The following DNAH12 variants were observed in gnomAD, a reference collection of about 807,000 sequenced individuals.
The protein encoded by DNAH12 is dynein axonemal heavy chain 12.
A neutral mutation model predicts 371.5 loss-of-function variants in DNAH12; 285 were observed. The observed-to-expected ratio is 0.77, with a 90% CI of 0.70 to 0.85. DNAH12 has a LOEUF of 0.85. DNAH12 is among the 40% of genes least tolerant of loss of function. The probability of loss-of-function intolerance (pLI) is 0.00; values close to 1 mark genes in which losing one functional copy is unlikely to be tolerated. For synonymous variants in DNAH12, 1,200 were observed against 1,213.0 expected, an observed-to-expected ratio of 0.99 and a Z score of 0.22; for missense variants, 3,611 against 3,689.4, an observed-to-expected ratio of 0.98 and a Z score of 0.55.
intron 60 of DNAH12, among the ~76,000 whole-genome samples, chr3:57,341,012 A>G (rs1412263349): frequency 1.3e-5 from 2 of 152,238 alleles, no homozygotes; most frequent in Non-Finnish European, 2.9e-5. Context: ...GAGACATCAC[A>G]ACAGAATGAA....
intron 4 of DNAH12, among the ~76,000 whole-genome samples, chr3:57,518,163 AT>A (rs944713903): frequency 2.3e-4 from 35 of 152,206 alleles, no homozygotes; most frequent in African/African-American, 7.9e-4. Context: ...GTGTTTTTAT[AT>A]TTATTCATTC....
chr3:57,436,954 T>A lies in DNAH12; in HGVS notation c.4652A>T (p.His1551Leu), dbSNP rs762266859. 30 of 1,445,626 alleles carry A rather than the reference T, an allele frequency of 2.1e-5. No individual in the cohort carries two copies. Among genetic ancestry groups the A allele is most frequent in the Non-Finnish European group, 2.7e-5 (29 of 1,085,588 alleles). The allele number at this position is 1,445,626 out of a possible 1,614,324, so 89.5% of individuals were successfully genotyped here. Residue 1551 changes from histidine to leucine, a missense_variant, in exon 30 of 74, where the codon CAT (histidine) becomes CTT (leucine). His to Leu is a moderately conservative substitution (Grantham distance 99, BLOSUM62 -3). This residue lies in a region of DNAH12 where 2,266 missense variants were observed against 2,236.9 expected (regional missense o/e 1.01). Coordinates refer to ENST00000495027, the MANE Select transcript of DNAH12 (RefSeq NM_001366028.2). ...IQTYEMMIVR[H>L]GFMLVGEPFA... ...CTATAGCAATATATAATCTTACCCA[T>A]GTCTAACAATCATCATTTCATATGT...
intron 13 of DNAH12, among the ~76,000 whole-genome samples, chr3:57,477,370 C>G (rs1055447742): frequency 6.6e-6 from 1 of 152,096 alleles, no homozygotes; most frequent in Non-Finnish European, 1.5e-5. Context: ...AGCAGAGAGG[C>G]TGGGGGAGGG....
intron 17 of DNAH12, among the ~76,000 whole-genome samples, chr3:57,463,571 T>C (rs748682477): frequency 2.6e-5 from 4 of 152,100 alleles, no homozygotes; most frequent in Non-Finnish European, 4.4e-5. Flanking sequence ...ATTTTTTTAA[T>C]TGGAGGACCA....
intron 4 of DNAH12, chr3:57,520,077 G>GAGCCGCCCGTCGGA: frequency 1.7e-6 from 1 of 581,304 alleles, no homozygotes. Flanking sequence ...CGGCTCTGTG[G>GAGCCGCCCGTCGGA]CTACAGCGTT....
chr3:57,367,193 T>A (rs2063069031), intron 56 of DNAH12, among the ~76,000 whole-genome samples: 1 of 152,044 alleles, frequency 6.6e-6, no homozygotes, highest in Non-Finnish European at 1.5e-5. Context: ...TAGCTGGGTG[T>A]CATGGTGGAA....
chr3:57,544,366 A>G (rs1307745353), upstream of DNAH12: 2 of 152,234 alleles, frequency 1.3e-5, no homozygotes, highest in African/African-American at 4.8e-5. Context: ...GGTTGGAAAC[A>G]ACGTCGTCGC....
intron 43 of DNAH12, among the ~76,000 whole-genome samples, chr3:57,396,323 CATTTTA>C (rs2063740971): frequency 2.2e-5 from 3 of 134,010 alleles, no homozygotes; most frequent in Admixed American, 7.6e-5. Flanking sequence ...GAACCATAAA[CATTTTA>C]ATTTAAAATA....
At chr3:57,468,708 A>G in intron 17 of DNAH12, 28 bp downstream of exon 17, 1 of 1,276,116 alleles carries the variant, frequency 7.8e-7, no homozygotes, top group Non-Finnish European at 1.0e-6. Flanking sequence ...TAGCTATAAT[A>G]TTAAAATGTT....
chr3:57,508,893 C>T (rs1276018547), intron 6 of DNAH12, among the ~76,000 whole-genome samples: 1 of 152,174 alleles, frequency 6.6e-6, no homozygotes, highest in East Asian at 1.9e-4. Context: ...ATCTGTCTGC[C>T]ATACCCCAAA....
intron 60 of DNAH12, 85 bp downstream of exon 60, chr3:57,352,000 C>A: frequency 7.5e-7 from 1 of 1,329,190 alleles, no homozygotes. Flanking sequence ...AAAATATAGA[C>A]TTCTGTGAGA....
chr3:57,424,933 G>T, intron 35 of DNAH12, 89 bp downstream of exon 35: 1 of 593,282 alleles, frequency 1.7e-6, no homozygotes, highest in Non-Finnish European at 3.0e-6. Flanking sequence ...AATAGCTTTG[G>T]ATCTTGTCAT....
intron 55 of DNAH12, among the ~76,000 whole-genome samples, chr3:57,368,823 T>A (rs1247732608): frequency 6.6e-6 from 1 of 152,198 alleles, no homozygotes; most frequent in Non-Finnish European, 1.5e-5. Flanking sequence ...ATGTGTAATA[T>A]ATGATGTGCT....
chr3:57,345,503 T>C (rs1279182510), intron 60 of DNAH12, among the ~76,000 whole-genome samples: 2 of 152,314 alleles, frequency 1.3e-5, no homozygotes, highest in East Asian at 3.9e-4. Context: ...GATCACTTTT[T>C]ACTGCCATAC....
chr3:57,422,192 CAT>C, intron 35 of DNAH12, among the ~76,000 whole-genome samples: 1 of 151,818 alleles, frequency 6.6e-6, no homozygotes, highest in South Asian at 2.1e-4. Flanking sequence ...GGATTACAGG[CAT>C]AAGCTACCGT....
At chr3:57,332,488 G>C (rs1559561005) in intron 62 of DNAH12, among the ~76,000 whole-genome samples, 1 of 152,186 alleles carries the variant, frequency 6.6e-6, no homozygotes, top group Non-Finnish European at 1.5e-5. Context: ...TGATCACTGA[G>C]AAAAAGAAAA....
intron 60 of DNAH12, among the ~76,000 whole-genome samples, chr3:57,349,934 C>T (rs1156450088): frequency 6.6e-6 from 1 of 152,238 alleles, no homozygotes; most frequent in African/African-American, 2.4e-5. Context: ...AGGCGATCCA[C>T]TTGCCTCGGC....
chr3:57,342,484 CAAAA>C (rs71088060), intron 60 of DNAH12, among the ~76,000 whole-genome samples: 2,601 of 66,068 alleles, frequency 0.039, 92 homozygotes, highest in African/African-American at 0.14. Flanking sequence ...ACTAAAAATA[CAAAA>C]AAAAAAAAAA....
intron 59 of DNAH12, among the ~76,000 whole-genome samples, chr3:57,354,134 C>T (rs2062743663): frequency 1.3e-5 from 2 of 152,110 alleles, no homozygotes; most frequent in Admixed American, 6.5e-5. Context: ...GCCTGTCAAT[C>T]GTAGACTAGA....
Sources: allele counts gnomAD v4.1 joint callset (sites outside exome capture counted in the v4.1 genomes callset), GRCh38; gene constraint gnomAD v4.1.1; regional missense constraint gnomAD v4.1.1; transcripts MANE v1.5; gene names NCBI Gene and HGNC (gene_info 2026-07-23, HGNC 2026-07-21).